WDR35: variants seen among roughly 807,000 people sequenced by gnomAD.
WDR35 encodes the protein WD repeat domain 35.
Under a neutral mutation model 158.3 loss-of-function variants are expected in WDR35, and 118 were observed. The ratio of observed to expected loss-of-function variants is 0.75; its 90% CI spans 0.64 to 0.87. The LOEUF is 0.87. Ranked by LOEUF, WDR35 falls within the 40% of genes least tolerant of loss-of-function variation. The pLI is 0.00. For missense variants in WDR35, 1,263 were observed against 1,405.8 expected (o/e 0.90, Z 1.62); for synonymous variants, 448 against 476.1 (o/e 0.94, Z 0.77).
In WDR35 at chr2:19,980,707, C is replaced by T. The variant is rs1000402338; in HGVS notation, c.291G>A (p.Val97=). 1 of 1,613,590 alleles carries T rather than the reference C, an allele frequency of 6.2e-7. No homozygotes were observed. The highest frequency in any genetic ancestry group is 1.1e-5 in the South Asian group (1 of 91,064). ...AAAGTATACCTTTATATAACATCCACACAATGATAAGCCCGTTTTCATCAC... is the reference window on the plus strand; with the variant it reads ...AAAGTATACCTTTATATAACATCCATACAATGATAAGCCCGTTTTCATCAC... ...TTSDENGLII[V]WMLYKGSWIE... is the part of the protein sequence containing the mutation. Residue 97 remains valine (V), a synonymous_variant, in exon 4 of 27, where the codon GTG becomes GTA. Transcript: ENST00000281405.
At chr2:19,941,601 G>A (rs143583922) in intron 17 of WDR35, among the ~76,000 whole-genome samples, 158 bp downstream of exon 17, 96 of 152,176 alleles carry the variant, frequency 6.3e-4, no homozygotes, top group Middle Eastern at 3.4e-3. Flanking sequence ...CAAAAAGATG[G>A]TGGCACCCAC....
intron 8 of WDR35, among the ~76,000 whole-genome samples, chr2:19,970,390 A>G (rs1216216882): frequency 1.3e-5 from 2 of 152,080 alleles, no homozygotes; most frequent in African/African-American, 4.8e-5. Context: ...CACTCTCTAC[A>G]ATTACCTTTT....
In WDR35 at chr2:19,966,805, T is replaced by C. The variant is rs778831561; in HGVS notation, c.1113A>G (p.Lys371=). 23 of 1,613,838 alleles carry C rather than the reference T, an allele frequency of 1.4e-5. No individual in the cohort carries two copies. Among genetic ancestry groups the C allele is most frequent in the Non-Finnish European group, 1.8e-5 (21 of 1,179,944 alleles). Residue 371 remains lysine, a synonymous_variant, in exon 10 of 27, where the codon AAA becomes AAG. Coordinates refer to ENST00000281405, the MANE Select transcript of WDR35 (RefSeq NM_020779.4). The part of the protein sequence containing the change: ...WDTKNNEKYV[K]YVKGLISITT... ...TAATAGAAATGAGACCCTTCACATA[T>C]TTAACATATTTTTCATTGTTTTTCG...
intron 24 of WDR35, 149 bp from the exon 25 acceptor site, chr2:19,930,701 G>A (rs1670499889): frequency 8.6e-7 from 1 of 1,168,012 alleles, no homozygotes. Flanking sequence ...AAGAGATGAG[G>A]TATTACTCTG....
chr2:19,976,011 C>T (rs1672198121), intron 5 of WDR35, among the ~76,000 whole-genome samples: 1 of 152,220 alleles, frequency 6.6e-6, no homozygotes, highest in African/African-American at 2.4e-5. Flanking sequence ...TCCATGCTTA[C>T]ACTTTCTGCG....
At chr2:19,937,710 G>A (rs773744944) in intron 19 of WDR35, 33 bp downstream of exon 19, 14 of 1,612,916 alleles carry the variant, frequency 8.7e-6, no homozygotes, top group Middle Eastern at 1.6e-4. Context: ...AACTGATAGA[G>A]TACTCAGGGA....
At position 19,936,239 on chromosome 2, in the gene WDR35, G is replaced by A. The variant is rs1420154136; in HGVS notation, c.2394C>T (p.Tyr798=). 1.2e-6 allele frequency: 2 copies of A among 1,613,854 alleles called. No individual in the cohort carries two copies. The highest frequency in any genetic ancestry group is 1.7e-6 in the Non-Finnish European group (2 of 1,179,914). The part of the protein sequence containing the change: ...LEQANNAIGD[Y]FADRQKWLNA... ...CATACCACTTTTGTCGATCAGCAAA[G>A]TAGTCTCCAATGGCATTGTTGGCTT... Residue 798 remains tyrosine, a synonymous_variant, in exon 20 of 27, where the codon TAC becomes TAT. Transcript: ENST00000281405.
intron 10 of WDR35, chr2:19,962,173 A>T: frequency 9.9e-7 from 1 of 1,006,344 alleles, no homozygotes; most frequent in East Asian, 2.4e-5. Flanking sequence ...TTATCTGTTA[A>T]TTCCATTTTT....
At chr2:19,956,361 G>GATT (rs1671432798) in intron 11 of WDR35, among the ~76,000 whole-genome samples, 1 of 152,104 alleles carries the variant, frequency 6.6e-6, no homozygotes, top group Non-Finnish European at 1.5e-5. Context: ...TCATTAGCCT[G>GATT]ATTACTTCAA....
At chr2:19,965,176 G>C (rs1446905275) in intron 10 of WDR35, among the ~76,000 whole-genome samples, 1 of 152,186 alleles carries the variant, frequency 6.6e-6, no homozygotes. Flanking sequence ...GCCCGCCTTG[G>C]TCTCTCAAAG....
intron 25 of WDR35, among the ~76,000 whole-genome samples, chr2:19,919,672 G>C (rs771118713): frequency 1.3e-5 from 2 of 152,072 alleles, no homozygotes; most frequent in Admixed American, 6.6e-5. Flanking sequence ...ACAATTAAAA[G>C]AACTAGAGAA....
At position 19,959,466 on chromosome 2, in the gene WDR35, G is replaced by A. The variant is rs117013756; in HGVS notation, c.1255+1088C>T. On this transcript the variant is annotated intron_variant, in intron 11 of 26. Transcript: ENST00000281405. Reference sequence around the variant, plus strand: ...AAGCTTTTTAACAAGGAACACTAATGTGTATATATATGTGTATATAAATAT... The same window carrying A: ...AAGCTTTTTAACAAGGAACACTAATATGTATATATATGTGTATATAAATAT... Among the ~76,000 whole-genome samples the A allele has an allele frequency of 1.1e-3, 167 of 152,038 alleles. 2 individuals carry two copies. In the East Asian group the frequency reaches 0.027, roughly 24 times the overall value.
intron 4 of WDR35, 23 bp from the exon 5 acceptor site, chr2:19,978,902 T>C (rs1206760875): frequency 6.2e-7 from 1 of 1,612,736 alleles, no homozygotes; most frequent in Non-Finnish European, 8.5e-7. Context: ...ATTTAAAAAA[T>C]TACAAGTCAA....
chr2:19,923,201 G>T lies in WDR35; in HGVS notation c.3121+7195C>A, dbSNP rs1465167220. On this transcript the variant is annotated intron_variant, in intron 25 of 26. Transcript: ENST00000281405. ...CACACCTCTATATTTCTGTGTGTGT[G>T]TTTTTAATTCCTTTAGCACCGCTGA... Among the ~76,000 whole-genome samples, 17 of 152,194 alleles carry T rather than the reference G, an allele frequency of 1.1e-4. 1 individual carries two copies. The highest frequency in any genetic ancestry group is 8.5e-4 in the Admixed American group (13 of 15,272).
intron 11 of WDR35, among the ~76,000 whole-genome samples, chr2:19,958,287 G>A (rs1486394815): frequency 6.6e-6 from 1 of 152,112 alleles, no homozygotes; most frequent in East Asian, 1.9e-4. Flanking sequence ...TTCTTTCCTT[G>A]AAATATCACC....
Position 19,966,713 on chromosome 2 carries a change from G to C in WDR35, c.1194+11C>G. The C allele has an allele frequency of 6.2e-7, 1 of 1,613,214 alleles. No individual in the cohort carries two copies. ...GCCCAGCTATGTCTTAAGATATCAA[G>C]AAACACCTACCTGAGGATGATTTTC... On this transcript the variant is annotated intron_variant, in intron 10 of 26. Coordinates refer to ENST00000281405, the MANE Select transcript of WDR35 (RefSeq NM_020779.4).
In WDR35 at chr2:19,974,570, A is replaced by G; in HGVS notation, c.634T>C (p.Trp212Arg). 6.2e-7 allele frequency: 1 copy of G among 1,613,662 alleles called. No individual in the cohort carries two copies. The highest frequency in any genetic ancestry group is 8.5e-7 in the Non-Finnish European group (1 of 1,179,798). Residue 212 changes from tryptophan (W) to arginine (R), a missense_variant, in exon 7 of 27, where the codon TGG (tryptophan) becomes CGG (arginine). Coordinates refer to ENST00000281405, the MANE Select transcript of WDR35 (RefSeq NM_020779.4). Reference sequence around the variant, plus strand: ...ACGTAGCCTTCTGTGCCATGGTACCAATGAATTCCAGCAATGCTGATAGCT... The same window carrying G: ...ACGTAGCCTTCTGTGCCATGGTACCGATGAATTCCAGCAATGCTGATAGCT... ...TGAISIAGIHWYHGTEGYVEP... is the reference protein window; with the variant it reads ...TGAISIAGIHRYHGTEGYVEP...
chr2:19,921,401 T>C lies in WDR35; in HGVS notation c.3122-7124A>G, dbSNP rs568722631. Among the ~76,000 whole-genome samples, 19 of 152,082 alleles carry C rather than the reference T, an allele frequency of 1.2e-4. 2 individuals are homozygous for C. In the South Asian group the frequency reaches 3.7e-3, roughly 30 times the overall value. ...AGATATATAGACCAATGGAACAGAA[T>C]AGAGGCCTCAGAAACAACGCCAAAC... is the stretch of plus-strand genomic sequence containing the variant. On this transcript the variant is annotated intron_variant, in intron 25 of 26. Transcript: ENST00000281405.
intron 25 of WDR35, among the ~76,000 whole-genome samples, chr2:19,916,310 G>A (rs887560427): frequency 2.6e-5 from 4 of 152,308 alleles, no homozygotes; most frequent in South Asian, 2.1e-4. Context: ...AAACTGGGCG[G>A]CCGTTTGAGC....
Sources: allele counts gnomAD v4.1 joint callset (sites outside exome capture counted in the v4.1 genomes callset), GRCh38; gene constraint gnomAD v4.1.1; transcripts MANE v1.5; gene names NCBI Gene and HGNC (gene_info 2026-07-23, HGNC 2026-07-21).